RADIL: variants seen among roughly 807,000 people sequenced by gnomAD.
The protein encoded by RADIL is Rap associating with DIL domain, also known as ras-associating and dilute domain-containing protein.
Under a neutral mutation model 97.6 loss-of-function variants are expected in RADIL, and 99 were observed. The observed-to-expected ratio is 1.01, with a 90% CI of 0.86 to 1.20. The LOEUF is 1.20. Ranked by LOEUF, RADIL falls within the 50% of genes most tolerant of loss-of-function variation. RADIL has a pLI of 0.00. For missense variants in RADIL, 1,765 were observed against 1,498.9 expected, an observed-to-expected ratio of 1.18 and a Z score of -2.93; for synonymous variants, 803 against 691.8, an observed-to-expected ratio of 1.16 and a Z score of -2.52.
chr7:4,871,677 T>C (rs1307532028), intron 2 of RADIL, among the ~76,000 whole-genome samples: 1 of 151,816 alleles, frequency 6.6e-6, no homozygotes, highest in Non-Finnish European at 1.5e-5. Flanking sequence ...CACACCACCC[T>C]CCCACACACA....
Position 4,825,883 on chromosome 7 carries a change from GAAAA to G in RADIL, c.1455-3333_1455-3330del, listed in dbSNP as rs540147941. On this transcript the variant is annotated intron_variant, in intron 5 of 14. Coordinates refer to ENST00000399583, the MANE Select transcript of RADIL (RefSeq NM_018059.5). ...GGCTACAGAGCGAGACTCCGTCTCAGAAAAAAAAAAAAAAAAAAAAAAAAAGGGA... is the reference window on the plus strand; with the variant it reads ...GGCTACAGAGCGAGACTCCGTCTCAGAAAAAAAAAAAAAAAAAAAAAGGGA... Among the ~76,000 whole-genome samples the G allele has an allele frequency of 6.0e-3, 304 of 50,996 alleles. 1 individual carries two copies. The highest frequency in any genetic ancestry group is 8.4e-3 in the African/African-American group (172 of 20,396). 33.5% of individuals were successfully genotyped at this position (50,996 alleles called of 152,430 possible).
rs186891616 is a variant in RADIL, at chr7:4,813,484, A to G, written c.2139+1794T>C. Among the ~76,000 whole-genome samples, 341 of 152,310 alleles carry G rather than the reference A, an allele frequency of 2.2e-3. 3 individuals are homozygous for G. The highest frequency in any genetic ancestry group is 7.6e-3 in the African/African-American group (316 of 41,582). On this transcript the variant is annotated intron_variant, in intron 9 of 14. Coordinates refer to ENST00000399583, the MANE Select transcript of RADIL (RefSeq NM_018059.5). This position sits in a 1 kb window ranked among gnomAD's most constrained non-coding sequence, Gnocchi z 5.0. ...GTCTTAGGGAAAAGCCGGCCATGCA[A>G]TTCAGGCCCCTGAAGTCTCTGAGCT...
At position 4,878,073 on chromosome 7, in the gene RADIL, G is replaced by C. The variant is rs758328986; in HGVS notation, c.67C>G (p.Leu23Val). ...GTCCGGGACAGCATGCTGGACAACA[G>C]CTGGCTCTGCCGCTTCAGTTTGCTC... Reference protein sequence around the residue: ...TKSKLKRQSQLLSSMLSRTLS... With the variant: ...TKSKLKRQSQVLSSMLSRTLS... Residue 23 changes from leucine to valine, a missense_variant, in exon 2 of 15, where the codon CTG becomes GTG. Physicochemically the swap from Leu to Val is conservative, Grantham distance 32. Transcript: ENST00000399583. The surrounding 1 kb of genome is among the most constrained non-coding windows in gnomAD (Gnocchi z 4.1). 3 of 1,597,972 alleles carry C rather than the reference G, an allele frequency of 1.9e-6. No individual in the cohort carries two copies. The highest frequency in any genetic ancestry group is 1.7e-6 in the Non-Finnish European group (2 of 1,173,222).
At chr7:4,828,687 G>C (rs1004083338) in intron 5 of RADIL, among the ~76,000 whole-genome samples, 6 of 152,266 alleles carry the variant, frequency 3.9e-5, no homozygotes, top group Admixed American at 3.9e-4. Flanking sequence ...ACGGGGGAGT[G>C]ACAGATTCCG....
intron 2 of RADIL, among the ~76,000 whole-genome samples, chr7:4,846,772 C>G (rs1192207628): frequency 1.3e-5 from 2 of 151,656 alleles, no homozygotes; most frequent in African/African-American, 4.8e-5. Flanking sequence ...CCTCAAAACT[C>G]CTGACCTCAG....
chr7:4,855,781 G>T (rs1783814411), intron 2 of RADIL, among the ~76,000 whole-genome samples: 1 of 151,852 alleles, frequency 6.6e-6, no homozygotes, highest in Admixed American at 6.6e-5. Flanking sequence ...TTTTTAAACT[G>T]GGTTGTTGGG....
chr7:4,854,850 G>A lies in RADIL; in HGVS notation c.536-18245C>T, dbSNP rs79493909. 1.1e-3 allele frequency among the ~76,000 whole-genome samples: 171 copies of A among 152,182 alleles called. 1 individual carries two copies. The highest frequency in any genetic ancestry group is 4.0e-3 in the African/African-American group (165 of 41,512). On this transcript the variant is annotated intron_variant, in intron 2 of 14. Transcript: ENST00000399583. The surrounding 1 kb of genome is among the most constrained non-coding windows in gnomAD (Gnocchi z 5.1). ...CTAAAAAGAATGCACTAGTTCCAGA[G>A]TCACATCAACCCTCCCAAGCACATC... is the stretch of plus-strand genomic sequence containing the variant.
chr7:4,874,486 C>T (rs1490496429), intron 2 of RADIL, among the ~76,000 whole-genome samples: 1 of 152,206 alleles, frequency 6.6e-6, no homozygotes, highest in Admixed American at 6.5e-5. Flanking sequence ...ACCACCCGGC[C>T]GCCTCAGTGA....
intron 5 of RADIL, among the ~76,000 whole-genome samples, chr7:4,825,002 C>T (rs1782934465): frequency 6.6e-6 from 1 of 152,164 alleles, no homozygotes; most frequent in Non-Finnish European, 1.5e-5. Context: ...AACCTGGGGC[C>T]ATGTGAGTGG....
intron 2 of RADIL, among the ~76,000 whole-genome samples, chr7:4,846,394 C>T (rs138482301): frequency 0.017 from 2,563 of 152,194 alleles, 37 homozygotes; most frequent in South Asian, 0.025. Context: ...AGCCACCCGC[C>T]TCAGCCTCCC....
At chr7:4,828,894 C>A (rs1696406622) in intron 5 of RADIL, among the ~76,000 whole-genome samples, 1 of 151,894 alleles carries the variant, frequency 6.6e-6, no homozygotes, top group African/African-American at 2.4e-5. Context: ...CCACCCAGAG[C>A]TGCGCTTCAG....
chr7:4,861,492 C>G, intron 2 of RADIL: 1 of 1,614,118 alleles, frequency 6.2e-7, no homozygotes, highest in Non-Finnish European at 8.5e-7. Flanking sequence ...GTATGTACTC[C>G]TAATCTGTAA....
chr7:4,803,701 C>T lies in RADIL; in HGVS notation c.2344G>A (p.Gly782Ser), dbSNP rs376419252. ...TTGGCTTCCAAGTCCACCTGGAAGC[C>T]GTCGCTGGGCAGGACGATGGGTGGG... The part of the protein sequence containing the change: ...NPPPIVLPSD[G>S]FQVDLEANCL... The change falls in exon 11 of 15, where the codon GGC becomes AGC. Residue 782 changes from glycine (G) to serine (S), a missense_variant. By Grantham distance (56) the Gly-to-Ser change is moderately conservative. Transcript: ENST00000399583. 1.7e-5 allele frequency: 26 copies of T among 1,566,106 alleles called. No homozygotes were observed. Among genetic ancestry groups the T allele is most frequent in the Middle Eastern group, 1.7e-4 (1 of 6,002 alleles).
chr7:4,861,834 G>GCACGTCCCCCACCACCGCGACCTT (rs3833677), intron 2 of RADIL: 437,962 of 1,266,936 alleles, frequency 0.35, 91,927 homozygotes, highest in African/African-American at 0.57. Context: ...CCCCGCCAGG[G>GCACGTCCCCCACCACCGCGACCTT]CACGTCCCCC....
chr7:4,856,046 T>C (rs532108671), intron 2 of RADIL, among the ~76,000 whole-genome samples: 6 of 152,002 alleles, frequency 3.9e-5, no homozygotes, highest in African/African-American at 1.4e-4. Context: ...TGGCCTCAAG[T>C]GATCCGCTCG....
Position 4,842,406 on chromosome 7 carries a change from G to T in RADIL, c.536-5801C>A, listed in dbSNP as rs1474601137. 6.6e-6 allele frequency among the ~76,000 whole-genome samples: 1 copy of T among 152,168 alleles called. No homozygotes were observed. Among genetic ancestry groups the T allele is most frequent in the African/African-American group, 2.4e-5 (1 of 41,432 alleles). On this transcript the variant is annotated intron_variant, in intron 2 of 14. Coordinates refer to ENST00000399583, the MANE Select transcript of RADIL (RefSeq NM_018059.5). The surrounding 1 kb of genome is among the most constrained non-coding windows in gnomAD (Gnocchi z 4.5). Reference sequence around the variant, plus strand: ...CTCACTCCTGGAGGAAGCGGCGAGGGAGACAGCATGCAGCCACAGCCACAC... The same window carrying T: ...CTCACTCCTGGAGGAAGCGGCGAGGTAGACAGCATGCAGCCACAGCCACAC...
At chr7:4,841,614 C>T (rs1182770678) in intron 2 of RADIL, among the ~76,000 whole-genome samples, 1 of 152,170 alleles carries the variant, frequency 6.6e-6, no homozygotes, top group Non-Finnish European at 1.5e-5. Context: ...GGCAGAAAAG[C>T]AACCCAGCCC....
In RADIL at chr7:4,849,816, T is replaced by C. The variant is rs1783664661; in HGVS notation, c.536-13211A>G. On this transcript the variant is annotated intron_variant, in intron 2 of 14. Coordinates refer to ENST00000399583, the MANE Select transcript of RADIL (RefSeq NM_018059.5). The surrounding 1 kb of genome is among the most constrained non-coding windows in gnomAD (Gnocchi z 5.4). Reference sequence around the variant, plus strand: ...CACAAAACGAACACAGATCACAATCTGTGTTGAAATAAATCTTTAGCTACA... The same window carrying C: ...CACAAAACGAACACAGATCACAATCCGTGTTGAAATAAATCTTTAGCTACA... Among the ~76,000 whole-genome samples the C allele has an allele frequency of 6.6e-6, 1 of 152,214 alleles. No homozygotes were observed. Among genetic ancestry groups the C allele is most frequent in the African/African-American group, 2.4e-5 (1 of 41,460 alleles).
rs927620542 is a variant in RADIL, at chr7:4,851,002, G to C, written c.536-14397C>G. On this transcript the variant is annotated intron_variant, in intron 2 of 14. Transcript: ENST00000399583. ...GGATCATCCGAGGTCAGGAGTTCAA[G>C]ACCAGCCTTGCCAACATGGTGAAAC... 2.0e-5 allele frequency among the ~76,000 whole-genome samples: 3 copies of C among 152,094 alleles called. No individual in the cohort carries two copies. In the South Asian group the frequency reaches 6.2e-4, roughly 32 times the overall value.
Sources: gnomAD v4.1 joint callset for allele counts (sites outside exome capture counted in the v4.1 genomes callset) on GRCh38, gnomAD v4.1.1 for gene constraint, Gnocchi (gnomAD v3.1) non-coding constraint, MANE v1.5 for transcripts, NCBI Gene and HGNC (gene_info 2026-07-23, HGNC 2026-07-21) for gene names.